The following CNTN5 variants were observed in gnomAD, a reference collection of about 807,000 sequenced individuals.
CNTN5 encodes the protein contactin-5.
In CNTN5, 77 loss-of-function variants were observed where a neutral mutation model predicts 129.1. The observed-to-expected ratio is 0.60, with a 90% CI of 0.50 to 0.72. The LOEUF (loss-of-function observed/expected upper bound fraction) is 0.72, where lower values mean the gene tolerates loss of function less well. Ranked by LOEUF, CNTN5 falls within the 30% of genes least tolerant of loss-of-function variation. The probability of loss-of-function intolerance (pLI) is 0.00; values close to 1 mark genes in which losing one functional copy is unlikely to be tolerated. For synonymous variants in CNTN5, 509 were observed against 465.6 expected (o/e 1.09, Z -1.20); for missense variants, 1,478 against 1,328.8 (o/e 1.11, Z -1.75).
intron 6 of CNTN5, among the ~76,000 whole-genome samples, chr11:99,883,370 C>T (rs1016393221): frequency 8.5e-5 from 13 of 152,138 alleles, no homozygotes; most frequent in East Asian, 1.9e-4. Context: ...CTATCCTTGC[C>T]GGCATTCGTT....
At chr11:99,100,051 G>A (rs1866648519) in intron 1 of CNTN5, among the ~76,000 whole-genome samples, 1 of 151,966 alleles carries the variant, frequency 6.6e-6, no homozygotes, top group African/African-American at 2.4e-5. Flanking sequence ...GGCAAAGTAT[G>A]GATCTGAGTT....
chr11:99,412,643 C>T (rs995797263), intron 2 of CNTN5, among the ~76,000 whole-genome samples: 2 of 152,142 alleles, frequency 1.3e-5, no homozygotes, highest in African/African-American at 4.8e-5. Context: ...AATCCTGTTT[C>T]ACAGAGAAGG....
chr11:100,308,930 G>T (rs1171263229), intron 21 of CNTN5: 1 of 984,008 alleles, frequency 1.0e-6, no homozygotes, highest in Non-Finnish European at 1.2e-6. Context: ...AGTTTTTTTG[G>T]TCCCTTAAAT....
At chr11:100,046,255 A>G (rs1257007178) in intron 9 of CNTN5, among the ~76,000 whole-genome samples, 1 of 152,200 alleles carries the variant, frequency 6.6e-6, no homozygotes, top group Non-Finnish European at 1.5e-5. Flanking sequence ...TCTGATTAAT[A>G]GAAAAAACAA....
chr11:99,110,262 T>G (rs1213956118), intron 1 of CNTN5, among the ~76,000 whole-genome samples: 1 of 152,122 alleles, frequency 6.6e-6, no homozygotes, highest in African/African-American at 2.4e-5. Flanking sequence ...AGAAAGTGCA[T>G]GATAATTCTG....
intron 13 of CNTN5, among the ~76,000 whole-genome samples, chr11:100,176,029 T>G (rs1364765695): frequency 2.0e-5 from 3 of 151,942 alleles, no homozygotes; most frequent in African/African-American, 7.3e-5. Context: ...ATTCATAACT[T>G]TTTTTTTCTT....
At chr11:100,153,488 A>G (rs1947133950) in intron 13 of CNTN5, among the ~76,000 whole-genome samples, 2 of 152,112 alleles carry the variant, frequency 1.3e-5, no homozygotes, top group African/African-American at 2.4e-5. Flanking sequence ...CAAAATGTAC[A>G]GCAAATAATA....
intron 3 of CNTN5, among the ~76,000 whole-genome samples, chr11:99,594,437 G>A (rs10501917): frequency 0.024 from 3,705 of 152,188 alleles, 167 homozygotes; most frequent in African/African-American, 0.085. Context: ...GTTTCTTTGC[G>A]TTTAGACCAT....
chr11:100,256,613 T>G (rs1944189), intron 17 of CNTN5, among the ~76,000 whole-genome samples: 11 of 151,902 alleles, frequency 7.2e-5, no homozygotes, highest in African/African-American at 2.2e-4. Context: ...GCTCATCTCA[T>G]TGGGACTGGT....
intron 2 of CNTN5, among the ~76,000 whole-genome samples, chr11:99,495,300 G>A (rs180969944): frequency 5.5e-4 from 84 of 152,252 alleles, no homozygotes; most frequent in African/African-American, 1.9e-3. Context: ...CCCTGGAGGC[G>A]GAGGCTGTAG....
At chr11:99,873,268 AT>A (rs1948549401) in intron 6 of CNTN5, among the ~76,000 whole-genome samples, 1 of 150,864 alleles carries the variant, frequency 6.6e-6, no homozygotes, top group Non-Finnish European at 1.5e-5. Context: ...GATTTTGCAC[AT>A]TAAAAAAAAA....
At chr11:99,457,661 A>T (rs1358610504) in intron 2 of CNTN5, among the ~76,000 whole-genome samples, 1 of 151,922 alleles carries the variant, frequency 6.6e-6, no homozygotes, top group African/African-American at 2.4e-5. Context: ...ATATGTTTTT[A>T]ATTATCAGTT....
intron 3 of CNTN5, among the ~76,000 whole-genome samples, chr11:99,613,642 T>G (rs772018640): frequency 6.6e-5 from 10 of 151,906 alleles, no homozygotes; most frequent in Non-Finnish European, 1.3e-4. Context: ...TTTTAATCTT[T>G]ATTTTGGCAT....
chr11:99,167,546 C>T (rs1860929483), intron 1 of CNTN5, among the ~76,000 whole-genome samples: 1 of 151,990 alleles, frequency 6.6e-6, no homozygotes, highest in Non-Finnish European at 1.5e-5. Context: ...GAGTTAATTA[C>T]ATTTGTGATA....
chr11:100,210,650 T>C (rs1197299312), intron 15 of CNTN5, among the ~76,000 whole-genome samples: 1 of 152,214 alleles, frequency 6.6e-6, no homozygotes, highest in Non-Finnish European at 1.5e-5. Flanking sequence ...GCTGAATTTC[T>C]TGTATTCAAC....
intron 9 of CNTN5, among the ~76,000 whole-genome samples, chr11:100,037,505 C>A (rs1366679587): frequency 2.0e-5 from 3 of 152,038 alleles, no homozygotes; most frequent in Non-Finnish European, 2.9e-5. Context: ...GGAGGATTCC[C>A]TCTTTTTCTA....
chr11:100,000,637 G>A (rs746831549), intron 8 of CNTN5, among the ~76,000 whole-genome samples: 12 of 152,186 alleles, frequency 7.9e-5, no homozygotes, highest in Non-Finnish European at 1.8e-4. Flanking sequence ...CAATACCCCA[G>A]TGGGGACACT....
chr11:99,444,872 C>T (rs1943996960), intron 2 of CNTN5, among the ~76,000 whole-genome samples: 1 of 151,718 alleles, frequency 6.6e-6, no homozygotes, highest in Admixed American at 6.6e-5. Context: ...AAGAATATCA[C>T]CATGTTGATA....
At chr11:99,339,060 A>C (rs1240796519) in intron 2 of CNTN5, among the ~76,000 whole-genome samples, 1 of 149,620 alleles carries the variant, frequency 6.7e-6, no homozygotes, top group African/African-American at 2.5e-5. Context: ...ATCCCTATAG[A>C]TAAATGCTGA....
Sources: allele counts gnomAD v4.1 joint callset (sites outside exome capture counted in the v4.1 genomes callset), GRCh38; gene constraint gnomAD v4.1.1; transcripts MANE v1.5; gene names NCBI Gene and HGNC (gene_info 2026-07-23, HGNC 2026-07-21).